Variants in FGF14 observed in about 807,000 individuals in gnomAD.
The protein encoded by FGF14 is fibroblast growth factor 14, also known as fibroblast growth factor homologous factor 4.
Under a neutral mutation model 25.5 loss-of-function variants are expected in FGF14, and 5 were observed. That is an observed-to-expected ratio of 0.20 (90% CI 0.10 to 0.41). The LOEUF (loss-of-function observed/expected upper bound fraction) is 0.41, where lower values mean the gene tolerates loss of function less well. Ranked by LOEUF, FGF14 falls within the 10% of genes least tolerant of loss-of-function variation. The pLI, the probability that FGF14 is intolerant of heterozygous loss-of-function variation, is 1.00. For synonymous variants in FGF14, 138 were observed against 118.3 expected, an observed-to-expected ratio of 1.17 and a Z score of -1.08; for missense variants, 222 against 320.1, an observed-to-expected ratio of 0.69 and a Z score of 2.34.
rs1232099450 is a variant in FGF14, at chr13:102,159,157, A to G, written c.208+242314T>C. The stretch of plus-strand genomic sequence containing the variant: ...TCTGTCTCAAAAAAAAAAAAAAAAA[A>G]GAAAAGAAAAGAAAATTCAAGGGGT... On this transcript the variant is annotated intron_variant, in intron 1 of 4. Transcript: ENST00000376131. 5.1e-5 allele frequency among the ~76,000 whole-genome samples: 7 copies of G among 137,830 alleles called. 1 individual carries two copies. The highest frequency in any genetic ancestry group is 2.1e-4 in the African/African-American group (7 of 33,756). The allele number at this position is 137,830 out of a possible 152,430, so 90.4% of individuals were successfully genotyped here.
intron 1 of FGF14, chr13:102,293,697 AT>A (rs2054547859): frequency 6.6e-6 from 1 of 152,154 alleles, no homozygotes; most frequent in African/African-American, 2.4e-5. Flanking sequence ...AATAAACCTC[AT>A]GTTTTATAAC....
intron 1 of FGF14, among the ~76,000 whole-genome samples, chr13:102,273,346 T>C (rs1200551937): frequency 6.6e-6 from 1 of 152,174 alleles, no homozygotes; most frequent in Non-Finnish European, 1.5e-5. Flanking sequence ...ATCCACAACA[T>C]GTAATTTCCT....
At chr13:101,774,951 A>G (rs2039006536) in intron 3 of FGF14, among the ~76,000 whole-genome samples, 1 of 148,504 alleles carries the variant, frequency 6.7e-6, no homozygotes, top group Admixed American at 6.8e-5. Context: ...CCTGGGCAAC[A>G]CGAATGAAAC....
At chr13:101,733,617 G>C (rs576810563) in intron 3 of FGF14, among the ~76,000 whole-genome samples, 3 of 71,606 alleles carry the variant, frequency 4.2e-5, no homozygotes, top group East Asian at 1.4e-3. Context: ...AAAAAAGAGA[G>C]AGAGGAGAGA....
At chr13:101,976,443 T>C (rs540367828) in intron 1 of FGF14, among the ~76,000 whole-genome samples, 97 of 152,354 alleles carry the variant, frequency 6.4e-4, no homozygotes, top group African/African-American at 2.2e-3. Context: ...TGTGCTCCTA[T>C]TGGGTGCTGT....
intron 1 of FGF14, among the ~76,000 whole-genome samples, chr13:102,049,897 GAC>G (rs1317248140): frequency 1.3e-5 from 2 of 152,126 alleles, no homozygotes; most frequent in African/African-American, 4.8e-5. Flanking sequence ...TATTTCATAT[GAC>G]TGAAAGGTAC....
At chr13:101,840,388 TCA>T (rs1372499276) in intron 3 of FGF14, among the ~76,000 whole-genome samples, 4 of 151,822 alleles carry the variant, frequency 2.6e-5, no homozygotes, top group African/African-American at 9.7e-5. Flanking sequence ...TTCTTATTTC[TCA>T]GTTACTTAAA....
At chr13:102,348,006 A>T (rs571016649) in intron 1 of FGF14, among the ~76,000 whole-genome samples, 116 of 140,692 alleles carry the variant, frequency 8.2e-4, no homozygotes, top group Middle Eastern at 7.5e-3. Context: ...TTTTCTGGGT[A>T]AAAAAAAAAA....
At chr13:101,907,671 C>T (rs1049898931) in intron 1 of FGF14, among the ~76,000 whole-genome samples, 1 of 152,028 alleles carries the variant, frequency 6.6e-6, no homozygotes, top group African/African-American at 2.4e-5. Flanking sequence ...ACAATTAATT[C>T]AATAGCTAGA....
chr13:101,767,372 A>T (rs147229264), intron 3 of FGF14, among the ~76,000 whole-genome samples: 5 of 152,104 alleles, frequency 3.3e-5, no homozygotes, highest in African/African-American at 1.2e-4. Flanking sequence ...TTTTTTTAAA[A>T]GCTCCCTAGG....
chr13:102,204,606 G>A (rs1018781185), intron 1 of FGF14, among the ~76,000 whole-genome samples: 3 of 152,018 alleles, frequency 2.0e-5, no homozygotes, highest in Non-Finnish European at 2.9e-5. Context: ...GGGTGCAGTG[G>A]TGCGGTCGTG....
chr13:102,011,172 A>G (rs2040058711), intron 1 of FGF14, among the ~76,000 whole-genome samples: 1 of 152,172 alleles, frequency 6.6e-6, no homozygotes, highest in Admixed American at 6.5e-5. Flanking sequence ...GCATTGTTGT[A>G]ATAACATTTT....
rs1172382286 is a variant in FGF14, at chr13:101,721,357, AC to A, written c.*1473del. The A allele has an allele frequency of 6.6e-6, 1 of 152,128 alleles. No individual in the cohort carries two copies. Among genetic ancestry groups the A allele is most frequent in the Non-Finnish European group, 1.5e-5 (1 of 68,030 alleles). 9.4% of individuals were successfully genotyped at this position (152,128 alleles called of 1,614,324 possible). A position where few individuals can be genotyped will look rare whatever the true frequency, so the allele number is the denominator to read the frequency against. On this transcript the variant is annotated 3_prime_UTR_variant, in exon 5 of 5. Coordinates refer to ENST00000376143, the MANE Select transcript of FGF14 (RefSeq NM_004115.4). Reference sequence around the variant, plus strand: ...CCTAAGCTCAAACAAACAGTGTTAAACTAAAAAGGAAATTAAGAATGCAAAA... The same window carrying A: ...CCTAAGCTCAAACAAACAGTGTTAAATAAAAAGGAAATTAAGAATGCAAAA...
At chr13:101,913,905 A>G (rs1024798674) in intron 1 of FGF14, among the ~76,000 whole-genome samples, 2 of 152,086 alleles carry the variant, frequency 1.3e-5, no homozygotes, top group South Asian at 2.1e-4. Context: ...TCCATAGGCA[A>G]TGACTCTCTA....
chr13:102,316,164 C>T (rs1391749677), intron 1 of FGF14, among the ~76,000 whole-genome samples: 1 of 152,196 alleles, frequency 6.6e-6, no homozygotes, highest in Admixed American at 6.5e-5. Context: ...GAAGGATAAG[C>T]TTTGTGACTG....
intron 1 of FGF14, among the ~76,000 whole-genome samples, chr13:102,146,699 C>T (rs1377080840): frequency 1.3e-5 from 2 of 152,076 alleles, no homozygotes. Flanking sequence ...CATCATGATA[C>T]TTAGATAATA....
intron 3 of FGF14, among the ~76,000 whole-genome samples, chr13:101,782,445 A>G (rs949210720): frequency 1.3e-5 from 2 of 152,150 alleles, no homozygotes; most frequent in South Asian, 2.1e-4. Context: ...GGTCACCTGT[A>G]TCATGGGGAT....
intron 1 of FGF14, among the ~76,000 whole-genome samples, chr13:102,034,295 T>G (rs1211699057): frequency 6.6e-6 from 1 of 152,068 alleles, no homozygotes; most frequent in Non-Finnish European, 1.5e-5. Context: ...GGAGTCACAA[T>G]GTTTTCTCAT....
intron 1 of FGF14, among the ~76,000 whole-genome samples, chr13:102,141,523 T>C (rs768594437): frequency 6.6e-6 from 1 of 152,206 alleles, no homozygotes; most frequent in Non-Finnish European, 1.5e-5. Context: ...ACTTACTTTT[T>C]CTCAAAGAAT....
Sources: allele counts gnomAD v4.1 joint callset (sites outside exome capture counted in the v4.1 genomes callset), GRCh38; gene constraint gnomAD v4.1.1; transcripts MANE v1.5; gene names NCBI Gene and HGNC (gene_info 2026-07-23, HGNC 2026-07-21).